The following LARP4B variants were observed in gnomAD, a reference collection of about 807,000 sequenced individuals.
LARP4B encodes the protein La ribonucleoprotein 4B, also known as la-related protein 4B.
In LARP4B, 12 loss-of-function variants were observed where a neutral mutation model predicts 89.8. The ratio of observed to expected loss-of-function variants is 0.13; its 90% CI spans 0.09 to 0.22. LARP4B has a LOEUF of 0.22. LARP4B is among the 10% of genes least tolerant of loss of function. The pLI, the probability that LARP4B is intolerant of heterozygous loss-of-function variation, is 1.00. For missense variants in LARP4B, 757 were observed against 947.7 expected (o/e 0.80, Z 2.64); for synonymous variants, 367 against 363.3 (o/e 1.01, Z -0.12).
chr10:897,502 AG>A (rs1836219986), intron 1 of LARP4B, among the ~76,000 whole-genome samples: 1 of 152,236 alleles, frequency 6.6e-6, no homozygotes, highest in Non-Finnish European at 1.5e-5. Flanking sequence ...ATAAACAGGA[AG>A]AAAAAAATAC....
intron 1 of LARP4B, among the ~76,000 whole-genome samples, chr10:913,166 G>A (rs970620756): frequency 6.6e-6 from 1 of 152,090 alleles, no homozygotes; most frequent in Non-Finnish European, 1.5e-5. Context: ...GAAAATTTAG[G>A]GTTGTCTAGC....
intron 1 of LARP4B, among the ~76,000 whole-genome samples, chr10:906,185 TGAGA>T (rs759200688): frequency 5.3e-5 from 8 of 152,238 alleles, no homozygotes; most frequent in Non-Finnish European, 1.2e-4. Context: ...AAAGTGCAGC[TGAGA>T]GACAGGAAAA....
chr10:852,265 T>C (rs35370435), intron 5 of LARP4B, among the ~76,000 whole-genome samples: 16,788 of 152,222 alleles, frequency 0.11, 1,182 homozygotes, highest in Non-Finnish European at 0.16. Context: ...AAAGTTTTGG[T>C]AAATGGAATC....
intron 3 of LARP4B, among the ~76,000 whole-genome samples, chr10:882,449 A>T (rs1049282192): frequency 4.6e-5 from 7 of 151,430 alleles, no homozygotes; most frequent in African/African-American, 1.7e-4. Context: ...GTGTGGTGGC[A>T]CAATCTCGGC....
chr10:940,201 G>C, the LARP4B span, among the ~76,000 whole-genome samples: 1 of 152,192 alleles, frequency 6.6e-6, no homozygotes, highest in African/African-American at 2.4e-5. Flanking sequence ...ATTTTTAGTA[G>C]GGACGGGGTT....
Position 811,901 on chromosome 10 carries a change from C to T in LARP4B, c.*1025G>A, listed in dbSNP as rs1052449728. 2 of 152,426 alleles carry T rather than the reference C, an allele frequency of 1.3e-5. No homozygotes were observed. Among genetic ancestry groups the T allele is most frequent in the Non-Finnish European group, 2.9e-5 (2 of 68,026 alleles). The allele number at this position is 152,426 out of a possible 1,614,324, so 9.4% of individuals were successfully genotyped here. ...TCTGGAAGTGAATCAATGAGGCCCT[C>T]GTCTTGGAGGTAAAAGAGCAGGAAC... On this transcript the variant is annotated 3_prime_UTR_variant, in exon 18 of 18. Coordinates refer to ENST00000316157, the MANE Select transcript of LARP4B (RefSeq NM_015155.3).
intron 1 of LARP4B, among the ~76,000 whole-genome samples, chr10:905,474 A>T (rs2042798865): frequency 6.6e-6 from 1 of 152,230 alleles, no homozygotes; most frequent in South Asian, 2.1e-4. Flanking sequence ...CAAGGAATCT[A>T]AATAGAGCAG....
the LARP4B span, among the ~76,000 whole-genome samples, chr10:938,778 A>G: frequency 3.8e-4 from 58 of 152,196 alleles, no homozygotes; most frequent in Non-Finnish European, 7.6e-4. Context: ...ATCCGAGGGT[A>G]GGATATATAA....
chr10:827,275 C>CAAAAAAAAGAAAAAAG (rs58903055), intron 11 of LARP4B, among the ~76,000 whole-genome samples: 1 of 151,090 alleles, frequency 6.6e-6, no homozygotes, highest in Non-Finnish European at 1.5e-5. Flanking sequence ...GACTCTGTCT[C>CAAAAAAAAGAAAAAAG]AAAGAAAAAG....
chr10:920,841 T>C (rs2132046599), intron 1 of LARP4B, among the ~76,000 whole-genome samples: 1 of 152,332 alleles, frequency 6.6e-6, no homozygotes, highest in Non-Finnish European at 1.5e-5. Context: ...ACGATGGAAC[T>C]GATAAAAAGA....
intron 1 of LARP4B, among the ~76,000 whole-genome samples, chr10:910,321 C>A (rs1190610590): frequency 6.6e-6 from 1 of 152,148 alleles, no homozygotes; most frequent in Non-Finnish European, 1.5e-5. Flanking sequence ...TGGCCCAAAT[C>A]AACTCTCTAC....
chr10:967,723 C>T, the LARP4B span, among the ~76,000 whole-genome samples: 5 of 152,162 alleles, frequency 3.3e-5, no homozygotes, highest in Admixed American at 6.5e-5. Context: ...CCGGGAATTC[C>T]GTGGGCACAC....
In LARP4B at chr10:873,954, G is replaced by A. The variant is rs141473164; in HGVS notation, c.142-9684C>T. ...AGATTTAAAGACAGTAGTCCAGGCC[G>A]GACGTGGTGGCTCATGCCTGTAATC... On this transcript the variant is annotated intron_variant, in intron 3 of 17. Coordinates refer to ENST00000316157, the MANE Select transcript of LARP4B (RefSeq NM_015155.3). Among the ~76,000 whole-genome samples, 33 of 152,292 alleles carry A rather than the reference G, an allele frequency of 2.2e-4. 1 individual carries two copies. In the East Asian group the frequency reaches 5.2e-3, roughly 24 times the overall value.
chr10:978,097 T>C, the LARP4B span, among the ~76,000 whole-genome samples: 2 of 152,226 alleles, frequency 1.3e-5, no homozygotes, highest in Non-Finnish European at 2.9e-5. Context: ...AAACAGTATT[T>C]CCACTATTCA....
At chr10:979,334 T>G in the LARP4B span, among the ~76,000 whole-genome samples, 1 of 152,218 alleles carries the variant, frequency 6.6e-6, no homozygotes, top group Non-Finnish European at 1.5e-5. Context: ...CCCTGCTCTA[T>G]GCCCCTGGAA....
chr10:892,399 T>C (rs1284462731), intron 1 of LARP4B, among the ~76,000 whole-genome samples: 1 of 152,246 alleles, frequency 6.6e-6, no homozygotes, highest in Non-Finnish European at 1.5e-5. Context: ...TCTTTTCATG[T>C]ACACCAGAAA....
chr10:931,929 G>A (rs951246983), upstream of LARP4B, among the ~76,000 whole-genome samples: 2 of 149,620 alleles, frequency 1.3e-5, no homozygotes, highest in Non-Finnish European at 3.0e-5. Context: ...TGCGATTGGC[G>A]CGTGCGCGCA....
At chr10:852,740 A>C (rs1269668041) in intron 5 of LARP4B, among the ~76,000 whole-genome samples, 1 of 152,242 alleles carries the variant, frequency 6.6e-6, no homozygotes, top group East Asian at 1.9e-4. Flanking sequence ...TGTAATCTAC[A>C]AAAAAGTGTC....
chr10:822,529 A>G lies in LARP4B; in HGVS notation c.1485-1684T>C, dbSNP rs952663947. ...CTCCCCCACACCCTCACTGGGCTCC[A>G]CGTAACCCGTGTCAGACCCAGAAGC... On this transcript the variant is annotated intron_variant, in intron 13 of 17. Transcript: ENST00000316157. The surrounding 1 kb of genome is among the most constrained non-coding windows in gnomAD (Gnocchi z 4.6). Among the ~76,000 whole-genome samples, 5 of 152,156 alleles carry G rather than the reference A, an allele frequency of 3.3e-5. No individual in the cohort carries two copies. The highest frequency in any genetic ancestry group is 9.6e-5 in the African/African-American group (4 of 41,452).
Sources: allele counts gnomAD v4.1 joint callset (sites outside exome capture counted in the v4.1 genomes callset), GRCh38; gene constraint gnomAD v4.1.1; non-coding constraint Gnocchi (gnomAD v3.1); transcripts MANE v1.5; gene names NCBI Gene and HGNC (gene_info 2026-07-23, HGNC 2026-07-21).